Variants in CACNA2D1 observed in about 807,000 individuals in gnomAD.
CACNA2D1 encodes calcium voltage-gated channel auxiliary subunit alpha2delta 1.
Under a neutral mutation model 171.5 loss-of-function variants are expected in CACNA2D1, and 53 were observed. The ratio of observed to expected loss-of-function variants is 0.31; its 90% confidence interval spans 0.25 to 0.39. The LOEUF (loss-of-function observed/expected upper bound fraction) is 0.39, where lower values mean the gene tolerates loss of function less well. Ranked by LOEUF, CACNA2D1 falls within the 10% of genes least tolerant of loss-of-function variation. The pLI is 1.00. For missense variants in CACNA2D1, 903 were observed against 1,299.8 expected (o/e 0.69, Z 4.69); for synonymous variants, 442 against 443.1 (o/e 1.00, Z 0.03).
At chr7:82,373,163 GAC>G (rs1355519755) in intron 1 of CACNA2D1, among the ~76,000 whole-genome samples, 1 of 152,064 alleles carries the variant, frequency 6.6e-6, no homozygotes, top group Admixed American at 6.5e-5. Flanking sequence ...CAGCCAGGGT[GAC>G]AGAGTGAGAC....
intron 1 of CACNA2D1, among the ~76,000 whole-genome samples, chr7:82,353,762 G>C (rs12707486): frequency 0.28 from 42,304 of 151,878 alleles, 7,496 homozygotes; most frequent in East Asian, 0.54. Flanking sequence ...GATACATGGA[G>C]AATGAGGAAT....
chr7:82,348,662 A>G (rs1819524431), intron 2 of CACNA2D1, among the ~76,000 whole-genome samples: 2 of 152,128 alleles, frequency 1.3e-5, no homozygotes, highest in African/African-American at 4.8e-5. Flanking sequence ...AAGAATTTCT[A>G]TTAATACATA....
intron 3 of CACNA2D1, among the ~76,000 whole-genome samples, chr7:82,233,335 A>G (rs1803173046): frequency 6.6e-6 from 1 of 152,216 alleles, no homozygotes; most frequent in African/African-American, 2.4e-5. Flanking sequence ...AACAGTATAC[A>G]TACAGAAAAG....
chr7:82,003,153 CATA>C (rs1255890556), intron 18 of CACNA2D1, among the ~76,000 whole-genome samples: 1 of 151,960 alleles, frequency 6.6e-6, no homozygotes, highest in Non-Finnish European at 1.5e-5. Flanking sequence ...AAATGGAAAT[CATA>C]ATATTTACTG....
intron 3 of CACNA2D1, among the ~76,000 whole-genome samples, chr7:82,209,281 G>A (rs757033073): frequency 4.6e-5 from 7 of 152,182 alleles, no homozygotes; most frequent in African/African-American, 9.7e-5. Flanking sequence ...TGTGAAAGCC[G>A]TCATACATCT....
At chr7:82,079,861 G>T (rs1371690061) in intron 7 of CACNA2D1, among the ~76,000 whole-genome samples, 4 of 151,954 alleles carry the variant, frequency 2.6e-5, no homozygotes, top group Non-Finnish European at 5.9e-5. Context: ...TATAAACGGT[G>T]ACTTTAGTTA....
intron 3 of CACNA2D1, among the ~76,000 whole-genome samples, chr7:82,288,814 T>C (rs1001759665): frequency 6.6e-6 from 1 of 152,182 alleles, no homozygotes; most frequent in African/African-American, 2.4e-5. Context: ...ATTGAGGTTG[T>C]GAAAATCAAG....
intron 2 of CACNA2D1, among the ~76,000 whole-genome samples, chr7:82,345,105 G>A (rs765343472): frequency 2.0e-5 from 3 of 151,660 alleles, no homozygotes; most frequent in South Asian, 2.1e-4. Flanking sequence ...TAAACTCTCC[G>A]CCACCTAGAA....
rs1206628570 is a variant in CACNA2D1, at chr7:81,962,014, T to A, written c.2846A>T (p.Glu949Val). ...CAGGGAGGCCGTGAAGTCATCATCC[T>A]CCATCTCAACTTGGGTGGCGGGGGA... ...FPRLLEAVEM[E>V]DDDFTASLSK... The change falls in exon 36 of 39, where the codon GAG becomes GTG. Residue 949 changes from glutamate (E) to valine (V), a missense_variant. Physicochemically the swap from Glu to Val is moderately radical, Grantham distance 121. Transcript: ENST00000356860. 5.0e-6 allele frequency: 8 copies of A among 1,612,204 alleles called. No individual in the cohort carries two copies. The highest frequency in any genetic ancestry group is 6.8e-6 in the Non-Finnish European group (8 of 1,179,010).
intron 3 of CACNA2D1, 34 bp from the exon 4 acceptor site, chr7:82,170,643 T>G: frequency 1.9e-6 from 3 of 1,586,814 alleles, no homozygotes; most frequent in Non-Finnish European, 2.6e-6. Context: ...AGAATTCAAA[T>G]GAACACGTAA....
chr7:82,212,988 C>T (rs2129228878), intron 3 of CACNA2D1, among the ~76,000 whole-genome samples: 1 of 152,058 alleles, frequency 6.6e-6, no homozygotes, highest in South Asian at 2.1e-4. Flanking sequence ...GCAATCTCTG[C>T]CTCCCAGGTT....
intron 2 of CACNA2D1, among the ~76,000 whole-genome samples, chr7:82,342,050 T>A (rs1262254143): frequency 1.5e-5 from 1 of 67,200 alleles, no homozygotes; most frequent in Non-Finnish European, 2.4e-5. Flanking sequence ...CGAGACTCCG[T>A]CTCAAAAAAA....
At chr7:82,143,120 T>G (rs1302838085) in intron 4 of CACNA2D1, among the ~76,000 whole-genome samples, 2 of 152,150 alleles carry the variant, frequency 1.3e-5, no homozygotes, top group African/African-American at 4.8e-5. Flanking sequence ...AAAAGTATTT[T>G]TTCCTGTCAT....
chr7:82,291,084 T>C (rs1811477246), intron 3 of CACNA2D1, among the ~76,000 whole-genome samples: 1 of 147,346 alleles, frequency 6.8e-6, no homozygotes, highest in Admixed American at 6.8e-5. Flanking sequence ...TAATGGATCC[T>C]CCCACCTCAT....
intron 7 of CACNA2D1, among the ~76,000 whole-genome samples, chr7:82,073,713 G>GAA (rs1808605230): frequency 6.6e-6 from 1 of 152,108 alleles, no homozygotes; most frequent in African/African-American, 2.4e-5. Flanking sequence ...TGATTCTCCT[G>GAA]CCTCAGCCTA....
chr7:82,094,951 A>G (rs1160874293), intron 6 of CACNA2D1, among the ~76,000 whole-genome samples: 1 of 151,918 alleles, frequency 6.6e-6, no homozygotes, highest in Non-Finnish European at 1.5e-5. Flanking sequence ...TACTGCTGCC[A>G]CAATATTCTA....
At chr7:82,250,935 C>CT (rs1585222512) in intron 3 of CACNA2D1, among the ~76,000 whole-genome samples, 1 of 152,216 alleles carries the variant, frequency 6.6e-6, no homozygotes, top group East Asian at 1.9e-4. Context: ...TTTTTAATAA[C>CT]CTTTTCCCAT....
At chr7:82,351,296 C>T (rs1447735735) in intron 1 of CACNA2D1, among the ~76,000 whole-genome samples, 1 of 150,556 alleles carries the variant, frequency 6.6e-6, no homozygotes, top group East Asian at 1.9e-4. Context: ...TATATTTTTT[C>T]AGATAAATTT....
chr7:81,988,657 T>A (rs1797222999), intron 21 of CACNA2D1, among the ~76,000 whole-genome samples: 1 of 152,180 alleles, frequency 6.6e-6, no homozygotes. Flanking sequence ...GCAATGGAAG[T>A]TCTGTACACC....
Sources: allele counts gnomAD v4.1 joint callset (sites outside exome capture counted in the v4.1 genomes callset), GRCh38; gene constraint gnomAD v4.1.1; transcripts MANE v1.5; gene names NCBI Gene and HGNC (gene_info 2026-07-23, HGNC 2026-07-21).